GTF3C4: variants seen among roughly 807,000 people sequenced by gnomAD.
GTF3C4 encodes general transcription factor IIIC subunit 4.
Under a neutral mutation model 67.5 loss-of-function variants are expected in GTF3C4, and 28 were observed. The ratio of observed to expected loss-of-function variants is 0.41; its 90% CI spans 0.31 to 0.57. GTF3C4 has a LOEUF of 0.57. Among genes scored for constraint, GTF3C4 ranks in the 20% least tolerant of loss-of-function variants. The pLI, the probability that GTF3C4 is intolerant of heterozygous loss-of-function variation, is 0.21. For synonymous variants in GTF3C4, 409 were observed against 393.0 expected (o/e 1.04, Z -0.48); for missense variants, 831 against 1,033.2 (o/e 0.80, Z 2.68).
chr9:132,685,254 C>T (rs1302324100), intron 3 of GTF3C4, among the ~76,000 whole-genome samples: 1 of 151,936 alleles, frequency 6.6e-6, no homozygotes, highest in Non-Finnish European at 1.5e-5. Flanking sequence ...CTCCTGGGCT[C>T]AAGTGATCCA....
chr9:132,678,519 C>T lies in GTF3C4; in HGVS notation c.900C>T (p.Ile300=). 6.2e-7 allele frequency: 1 copy of T among 1,614,182 alleles called. No homozygotes were observed. The highest frequency in any genetic ancestry group is 1.1e-5 in the South Asian group (1 of 91,084). The part of the protein sequence containing the change: ...FQLPFVGKES[I]SSCNTIESGI... Reference sequence around the variant, plus strand: ...TGCCGTTTGTAGGAAAAGAATCCATCTCTTCATGCAACACAATTGAGTCAG... The same window carrying T: ...TGCCGTTTGTAGGAAAAGAATCCATTTCTTCATGCAACACAATTGAGTCAG... The change falls in exon 2 of 5, where the codon ATC becomes ATT. Residue 300 remains isoleucine, a synonymous_variant. Transcript: ENST00000372146. This position sits in a 1 kb window ranked among gnomAD's most constrained non-coding sequence, Gnocchi z 6.5.
At chr9:132,684,593 G>A (rs117567523) in intron 3 of GTF3C4, among the ~76,000 whole-genome samples, 619 of 152,224 alleles carry the variant, frequency 4.1e-3, no homozygotes, top group Non-Finnish European at 7.0e-3. Context: ...TTGTCCTCCC[G>A]CTGACCTCAT....
chr9:132,682,837 C>G (rs1835966748), intron 2 of GTF3C4, among the ~76,000 whole-genome samples: 1 of 152,104 alleles, frequency 6.6e-6, no homozygotes, highest in African/African-American at 2.4e-5. Flanking sequence ...CTCCTGACCT[C>G]AAGTGATCCA....
In GTF3C4 at chr9:132,692,443, C is replaced by T. The variant is rs1836132080; in HGVS notation, c.*3498C>T. On this transcript the variant is annotated 3_prime_UTR_variant, in exon 5 of 5. Coordinates refer to ENST00000372146, the MANE Select transcript of GTF3C4 (RefSeq NM_012204.4). ...TGGGCTAAGGGATGTGAAATTTTAG[C>T]TCCTTCCCACCACCTGTTTCCCCTC... 2 of 152,134 alleles carry T rather than the reference C, an allele frequency of 1.3e-5. No individual in the cohort carries two copies. Among genetic ancestry groups the T allele is most frequent in the Non-Finnish European group, 2.9e-5 (2 of 68,030 alleles). 9.4% of individuals were successfully genotyped at this position (152,134 alleles called of 1,614,324 possible).
At chr9:132,670,121 A>G (rs1201048820), upstream of GTF3C4, 4 of 1,578,862 alleles carry the variant, frequency 2.5e-6, no homozygotes, top group African/African-American at 5.4e-5. Flanking sequence ...GGACAAGACT[A>G]CCGCGCGTGC....
In GTF3C4 at chr9:132,693,769, C is replaced by A. The variant is rs1477724944; in HGVS notation, c.*4824C>A. ...TAGCAGACTGGTAAGGTTTAGGGTT[C>A]TCTCCACTAATGGAAAATTAAATGC... On this transcript the variant is annotated 3_prime_UTR_variant, in exon 5 of 5. Transcript: ENST00000372146. The A allele has an allele frequency of 6.6e-6, 1 of 152,138 alleles. No individual in the cohort carries two copies. The highest frequency in any genetic ancestry group is 1.5e-5 in the Non-Finnish European group (1 of 68,020). The allele number at this position is 152,138 out of a possible 1,614,324, so 9.4% of individuals were successfully genotyped here.
At chr9:132,676,111 GGATGGTCTC>G (rs1000938799) in intron 1 of GTF3C4, among the ~76,000 whole-genome samples, 1 of 151,746 alleles carries the variant, frequency 6.6e-6, no homozygotes, top group Non-Finnish European at 1.5e-5. Flanking sequence ...GTGTTAGCCA[GGATGGTCTC>G]GATCTCCTGA....
rs574119617 is a variant in GTF3C4 at position 132,683,755 on chromosome 9, T to G, written c.2315+62T>G. Reference sequence around the variant, plus strand: ...TTCAGTTTTGTGTAGCACAAACTACTGTATGTGACAGAATAGCAACTTTAT... The same window carrying G: ...TTCAGTTTTGTGTAGCACAAACTACGGTATGTGACAGAATAGCAACTTTAT... On this transcript the variant is annotated intron_variant, in intron 3 of 4. Transcript: ENST00000372146. 1.4e-5 allele frequency: 21 copies of G among 1,467,726 alleles called. No individual in the cohort carries two copies. In the East Asian group the frequency reaches 4.3e-4, roughly 30 times the overall value. 90.9% of individuals were successfully genotyped at this position (1,467,726 alleles called of 1,614,324 possible).
chr9:132,685,054 G>T (rs1367678965), intron 3 of GTF3C4, among the ~76,000 whole-genome samples: 12 of 132,934 alleles, frequency 9.0e-5, no homozygotes, highest in Admixed American at 2.4e-4. Context: ...TTGCTGTATT[G>T]CCCAGGCTGG....
chr9:132,670,726 C>G lies in GTF3C4; in HGVS notation c.128C>G (p.Pro43Arg). The G allele has an allele frequency of 6.5e-7, 1 of 1,535,702 alleles. No individual in the cohort carries two copies. Among genetic ancestry groups the G allele is most frequent in the South Asian group, 1.2e-5 (1 of 84,186 alleles). ...CCAGCAGCGGACGCGGCCCCGGGGC[C>G]CAGCGCTGCATTCCGCCTCATGGTG... ...KEPAADAAPGPSAAFRLMVTR... is the reference protein window; with the variant it reads ...KEPAADAAPGRSAAFRLMVTR... The change falls in exon 1 of 5, where the codon CCC becomes CGC. Residue 43 changes from proline to arginine, a missense_variant. This residue lies in a region of GTF3C4 where 237 missense variants were observed against 212.7 expected (regional missense o/e 1.11). Coordinates refer to ENST00000372146, the MANE Select transcript of GTF3C4 (RefSeq NM_012204.4).
In GTF3C4 at chr9:132,694,299, G is replaced by T. The variant is rs1836164271; in HGVS notation, c.*5354G>T. 2 of 152,146 alleles carry T rather than the reference G, an allele frequency of 1.3e-5. No homozygotes were observed. The highest frequency in any genetic ancestry group is 2.9e-5 in the Non-Finnish European group (2 of 68,030). 9.4% of individuals were successfully genotyped at this position (152,146 alleles called of 1,614,324 possible). On this transcript the variant is annotated 3_prime_UTR_variant, in exon 5 of 5. Coordinates refer to ENST00000372146, the MANE Select transcript of GTF3C4 (RefSeq NM_012204.4). The stretch of plus-strand genomic sequence containing the variant: ...ACCTAATGTAAAGTGCCTTGCACAG[G>T]GTAGGTGCTCATGACGTGTAGAATG...
At chr9:132,686,273 C>T (rs1836025962) in intron 3 of GTF3C4, among the ~76,000 whole-genome samples, 1 of 152,180 alleles carries the variant, frequency 6.6e-6, no homozygotes, top group Admixed American at 6.5e-5. Flanking sequence ...TTCAGGAAAA[C>T]TGTTTTCATT....
intron 2 of GTF3C4, among the ~76,000 whole-genome samples, chr9:132,680,543 C>A (rs947455901): frequency 6.6e-5 from 10 of 152,158 alleles, no homozygotes; most frequent in African/African-American, 2.4e-4. Context: ...ATACTGTGTT[C>A]TGAAATATTC....
Position 132,675,735 on chromosome 9 carries a change from CAATT to C in GTF3C4, c.358-2239_358-2236del, listed in dbSNP as rs141185193. Among the ~76,000 whole-genome samples, 598 of 152,066 alleles carry C rather than the reference CAATT, an allele frequency of 3.9e-3. 3 individuals are homozygous for C. The highest frequency in any genetic ancestry group is 0.014 in the Middle Eastern group (4 of 294). Reference sequence around the variant, plus strand: ...GGCCATAGAACTATTTTTCAAGGGACAATTAAAGGGAGTAGTGTACTGTGAAACA... The same window carrying C: ...GGCCATAGAACTATTTTTCAAGGGACAAAGGGAGTAGTGTACTGTGAAACA... On this transcript the variant is annotated intron_variant, in intron 1 of 4. Transcript: ENST00000372146.
chr9:132,670,671 G>C lies in GTF3C4; in HGVS notation c.73G>C (p.Glu25Gln). Residue 25 changes from glutamate (E) to glutamine (Q), a missense_variant, in exon 1 of 5, where the codon GAG (glutamate) becomes CAG (glutamine). Glu to Gln is a conservative substitution (Grantham distance 29, BLOSUM62 2). Coordinates refer to ENST00000372146, the MANE Select transcript of GTF3C4 (RefSeq NM_012204.4). ...TGCGCCGTCTGGGGAGGAGGAGGGAGAGGGGGGCGGCGAGGCGGGCGGGAA... is the reference window on the plus strand; with the variant it reads ...TGCGCCGTCTGGGGAGGAGGAGGGACAGGGGGGCGGCGAGGCGGGCGGGAA... ...GPAPSGEEEG[E>Q]GGGEAGGKEP... The C allele has an allele frequency of 1.3e-6, 2 of 1,507,442 alleles. No homozygotes were observed. Among genetic ancestry groups the C allele is most frequent in the Non-Finnish European group, 1.8e-6 (2 of 1,136,148 alleles). The allele number at this position is 1,507,442 out of a possible 1,614,324, so 93.4% of individuals were successfully genotyped here.
In GTF3C4 at chr9:132,694,489, T is replaced by A. The variant is rs1836166679; in HGVS notation, c.*5544T>A. 1 of 152,256 alleles carries A rather than the reference T, an allele frequency of 6.6e-6. No homozygotes were observed. Among genetic ancestry groups the A allele is most frequent in the African/African-American group, 2.4e-5 (1 of 41,464 alleles). 9.4% of individuals were successfully genotyped at this position (152,256 alleles called of 1,614,324 possible). On this transcript the variant is annotated 3_prime_UTR_variant, in exon 5 of 5. Transcript: ENST00000372146. The stretch of plus-strand genomic sequence containing the variant: ...CCACATCCTTAGCACTACTTAACCT[T>A]CTTTTCCTGAAGATTACATATCAGT...
At chr9:132,686,421 TCC>T (rs1836028450) in intron 3 of GTF3C4, among the ~76,000 whole-genome samples, 1 of 77,556 alleles carries the variant, frequency 1.3e-5, no homozygotes, top group South Asian at 5.7e-4. Context: ...TGGAGTCCCT[TCC>T]CCTAACCTCT....
In GTF3C4 at chr9:132,694,660, T is replaced by G. The variant is rs1181591943; in HGVS notation, c.*5715T>G. The G allele has an allele frequency of 6.6e-6, 1 of 152,224 alleles. No homozygotes were observed. 9.4% of individuals were successfully genotyped at this position (152,224 alleles called of 1,614,324 possible). A position where few individuals can be genotyped will look rare whatever the true frequency, so the allele number is the denominator to read the frequency against. ...GGGGTAATCATATTTTAGTTATTAC[T>G]TGTTAAAAGGGTAACAGAACCTCTG... is the stretch of plus-strand genomic sequence containing the variant. On this transcript the variant is annotated 3_prime_UTR_variant, in exon 5 of 5. Transcript: ENST00000372146.
rs75743902 is a variant in GTF3C4, at chr9:132,676,812, G to T, written c.358-1165G>T. Among the ~76,000 whole-genome samples the T allele has an allele frequency of 2.6e-3, 401 of 152,258 alleles. 1 individual carries two copies. The highest frequency in any genetic ancestry group is 9.3e-3 in the African/African-American group (388 of 41,534). On this transcript the variant is annotated intron_variant, in intron 1 of 4. Transcript: ENST00000372146. ...AGTGACTTTTATTATATCCATGTGT[G>T]TCTTAGGCTGGAATTTCCTTTTAAT...
Sources: allele counts gnomAD v4.1 joint callset (sites outside exome capture counted in the v4.1 genomes callset), GRCh38; gene constraint gnomAD v4.1.1; regional missense constraint gnomAD v4.1.1; non-coding constraint Gnocchi (gnomAD v3.1); transcripts MANE v1.5; gene names NCBI Gene and HGNC (gene_info 2026-07-23, HGNC 2026-07-21).